The following STK32B variants were observed in gnomAD, a reference collection of about 807,000 sequenced individuals.
The protein encoded by STK32B is serine/threonine-protein kinase 32B.
STK32B carries 43 observed loss-of-function variants against 52.6 expected under a neutral mutation model. The observed-to-expected ratio is 0.82, with a 90% CI of 0.64 to 1.05. STK32B has a LOEUF of 1.05. STK32B is among the 50% of genes least tolerant of loss of function. The probability of loss-of-function intolerance (pLI) is 0.00; values close to 1 mark genes in which losing one functional copy is unlikely to be tolerated. For missense variants in STK32B, 621 were observed against 534.6 expected (o/e 1.16, Z -1.59); for synonymous variants, 238 against 204.3 (o/e 1.17, Z -1.41).
intron 1 of STK32B, among the ~76,000 whole-genome samples, chr4:5,121,568 A>G (rs1007346976): frequency 1.6e-4 from 25 of 152,208 alleles, no homozygotes; most frequent in Non-Finnish European, 3.1e-4. Flanking sequence ...CACAATTATG[A>G]TAGCAATAAC....
At chr4:5,041,720 G>A in the STK32B span, among the ~76,000 whole-genome samples, 987 of 151,914 alleles carry the variant, frequency 6.5e-3, 39 homozygotes, top group East Asian at 0.014. Flanking sequence ...TGGATAATTC[G>A]CTATCTGAGT....
intron 1 of STK32B, among the ~76,000 whole-genome samples, chr4:5,100,142 CCT>C (rs1200817789): frequency 1.3e-5 from 2 of 152,174 alleles, no homozygotes; most frequent in Non-Finnish European, 2.9e-5. Context: ...GTGAGCAATC[CCT>C]CTCGATGCTC....
rs937426500 is a variant in STK32B, at chr4:5,386,854, C to T, written c.435-11353C>T. On this transcript the variant is annotated intron_variant, in intron 4 of 11. Coordinates refer to ENST00000282908, the MANE Select transcript of STK32B (RefSeq NM_018401.3). This position sits in a 1 kb window ranked among gnomAD's most constrained non-coding sequence, Gnocchi z 4.5. ...GATAGAGTCGGATTCAGCCTTGATACGAACTTGAGATCTTTCCCGCATTGT... is the reference window on the plus strand; with the variant it reads ...GATAGAGTCGGATTCAGCCTTGATATGAACTTGAGATCTTTCCCGCATTGT... 3.3e-5 allele frequency among the ~76,000 whole-genome samples: 5 copies of T among 152,184 alleles called. No individual in the cohort carries two copies. Among genetic ancestry groups the T allele is most frequent in the African/African-American group, 9.7e-5 (4 of 41,438 alleles).
chr4:5,431,205 C>T (rs1033867675), intron 6 of STK32B, among the ~76,000 whole-genome samples: 1 of 152,196 alleles, frequency 6.6e-6, no homozygotes, highest in Non-Finnish European at 1.5e-5. Flanking sequence ...TGAGCAAAGT[C>T]AGCAAGAAAG....
At chr4:5,307,017 G>T (rs1729967469) in intron 3 of STK32B, among the ~76,000 whole-genome samples, 1 of 152,174 alleles carries the variant, frequency 6.6e-6, no homozygotes, top group Middle Eastern at 3.2e-3. Flanking sequence ...CTGTTAATCT[G>T]ATAGGTTTTC....
intron 4 of STK32B, among the ~76,000 whole-genome samples, chr4:5,360,638 G>A (rs1177811298): frequency 6.6e-6 from 1 of 152,090 alleles, no homozygotes; most frequent in African/African-American, 2.4e-5. Context: ...CTGGAATAAA[G>A]ATGTGGGGTT....
At chr4:5,053,721 G>A (rs1741879086) in intron 1 of STK32B, among the ~76,000 whole-genome samples, 1 of 152,146 alleles carries the variant, frequency 6.6e-6, no homozygotes. Context: ...GGTGGCTCAT[G>A]CCTGTAATCC....
In STK32B at chr4:5,398,651, G is replaced by A. The variant is rs1303554963; in HGVS notation, c.472+407G>A. 2.6e-5 allele frequency among the ~76,000 whole-genome samples: 4 copies of A among 152,160 alleles called. No homozygotes were observed. The highest frequency in any genetic ancestry group is 9.7e-5 in the African/African-American group (4 of 41,440). ...TCCCTTGCAGGGTGTTCATGAGGGTGAAATGAGAGTACACACTCATTTCTA... is the reference window on the plus strand; with the variant it reads ...TCCCTTGCAGGGTGTTCATGAGGGTAAAATGAGAGTACACACTCATTTCTA... On this transcript the variant is annotated intron_variant, in intron 5 of 11. Transcript: ENST00000282908. The surrounding 1 kb of genome is among the most constrained non-coding windows in gnomAD (Gnocchi z 4.9).
In STK32B at chr4:5,306,187, G is replaced by T. The variant is rs545247613; in HGVS notation, c.261-25033G>T. Among the ~76,000 whole-genome samples the T allele has an allele frequency of 9.9e-4, 150 of 152,194 alleles. 1 individual carries two copies. The highest frequency in any genetic ancestry group is 3.5e-3 in the African/African-American group (145 of 41,538). Reference sequence around the variant, plus strand: ...AAAGAATGTATATTCTGCAGTTGCTGGATAGAATGTTCTGTAAATATTTGT... The same window carrying T: ...AAAGAATGTATATTCTGCAGTTGCTTGATAGAATGTTCTGTAAATATTTGT... On this transcript the variant is annotated intron_variant, in intron 3 of 11. Transcript: ENST00000282908.
intron 3 of STK32B, among the ~76,000 whole-genome samples, chr4:5,236,458 G>A (rs11943720): frequency 6.6e-6 from 1 of 152,080 alleles, no homozygotes; most frequent in Admixed American, 6.5e-5. Flanking sequence ...ACAAGAATCA[G>A]AACATATTGG....
At chr4:5,074,209 T>TGTGC (rs397878571) in intron 1 of STK32B, among the ~76,000 whole-genome samples, 6 of 144,216 alleles carry the variant, frequency 4.2e-5, no homozygotes, top group Non-Finnish European at 6.1e-5. Flanking sequence ...TGTGTGTGTG[T>TGTGC]GCGCGTGCGT....
intron 4 of STK32B, among the ~76,000 whole-genome samples, chr4:5,346,100 C>T (rs566247458): frequency 6.6e-6 from 1 of 152,258 alleles, no homozygotes; most frequent in African/African-American, 2.4e-5. Flanking sequence ...TATCTTAACT[C>T]CTGATATTTT....
At chr4:5,204,458 T>TTTTTTGTTTTGTTTTGTTTTG (rs143967616) in intron 3 of STK32B, among the ~76,000 whole-genome samples, 3 of 146,856 alleles carry the variant, frequency 2.0e-5, no homozygotes, top group South Asian at 4.5e-4. Context: ...TTTTTAGGTT[T>TTTTTTGTTTTGTTTTGTTTTG]TTTTGTTTTG....
chr4:5,080,947 C>T (rs1316403487), intron 1 of STK32B, among the ~76,000 whole-genome samples: 1 of 152,124 alleles, frequency 6.6e-6, no homozygotes. Context: ...CCAACAGCTC[C>T]CTATATTCCC....
At chr4:5,089,361 G>A (rs1027843947) in intron 1 of STK32B, among the ~76,000 whole-genome samples, 4 of 151,934 alleles carry the variant, frequency 2.6e-5, no homozygotes, top group African/African-American at 9.7e-5. Context: ...AACAGGCCCT[G>A]GTGTGTGTTG....
In STK32B at chr4:5,315,411, C is replaced by A. The variant is rs561569209; in HGVS notation, c.261-15809C>A. 3.3e-5 allele frequency among the ~76,000 whole-genome samples: 5 copies of A among 149,754 alleles called. No homozygotes were observed. The East Asian group carries it at 9.7e-4, about 29-fold the overall frequency. ...GGGAAGATAAGCCACAAAACAGTAA[C>A]AATAATACTCAGCAACACTTACTGA... On this transcript the variant is annotated intron_variant, in intron 3 of 11. Transcript: ENST00000282908.
chr4:5,370,127 G>A (rs979474362), intron 4 of STK32B, among the ~76,000 whole-genome samples: 8 of 151,520 alleles, frequency 5.3e-5, no homozygotes, highest in Non-Finnish European at 1.2e-4. Context: ...CGCCTGCCTC[G>A]GCCTCCCAAA....
chr4:5,052,404 A>T (rs1380210634), intron 1 of STK32B, among the ~76,000 whole-genome samples: 1 of 152,130 alleles, frequency 6.6e-6, no homozygotes, highest in Non-Finnish European at 1.5e-5. Flanking sequence ...TCAATCACCC[A>T]GGACAGAGGG....
At chr4:5,140,315 A>T in intron 2 of STK32B, 1 of 1,284,882 alleles carries the variant, frequency 7.8e-7, no homozygotes, top group East Asian at 5.0e-5. Context: ...TGGTAAGTTC[A>T]TATTTGTGAT....
Sources: gnomAD v4.1 joint callset for allele counts (sites outside exome capture counted in the v4.1 genomes callset) on GRCh38, gnomAD v4.1.1 for gene constraint, Gnocchi (gnomAD v3.1) non-coding constraint, MANE v1.5 for transcripts, NCBI Gene and HGNC (gene_info 2026-07-23, HGNC 2026-07-21) for gene names.